The following EVC2 variants were observed in gnomAD, a reference collection of about 807,000 sequenced individuals.
EVC2 encodes the protein limbin.
A neutral mutation model predicts 149.3 loss-of-function variants in EVC2; 148 were observed. That is an observed-to-expected ratio of 0.99 (90% CI 0.87 to 1.14). EVC2 has a LOEUF of 1.14. Ranked by LOEUF, EVC2 falls within the 50% of genes most tolerant of loss-of-function variation. EVC2 has a pLI of 0.00. For synonymous variants in EVC2, 776 were observed against 649.9 expected (o/e 1.19, Z -2.95); for missense variants, 1,854 against 1,627.3 (o/e 1.14, Z -2.40).
intron 21 of EVC2, among the ~76,000 whole-genome samples, chr4:5,549,070 C>A (rs763266418): frequency 6.8e-6 from 1 of 146,254 alleles, no homozygotes; most frequent in Non-Finnish European, 1.5e-5. Flanking sequence ...TTTTTTATTA[C>A]CATTATTTAC....
intron 21 of EVC2, among the ~76,000 whole-genome samples, chr4:5,564,556 A>G (rs895823337): frequency 6.6e-6 from 1 of 152,232 alleles, no homozygotes; most frequent in Non-Finnish European, 1.5e-5. Context: ...ACTGAGGTAG[A>G]CATGTCCGTT....
At chr4:5,574,654 G>T in intron 19 of EVC2, 31 bp downstream of exon 19, 4 of 1,596,660 alleles carry the variant, frequency 2.5e-6, no homozygotes, top group East Asian at 2.2e-5. Context: ...CTGGCAAGGG[G>T]TGGCCTCAGA....
At chr4:5,588,194 T>C (rs184729027) in intron 16 of EVC2, among the ~76,000 whole-genome samples, 1 of 152,360 alleles carries the variant, frequency 6.6e-6, no homozygotes, top group East Asian at 1.9e-4. Flanking sequence ...TTTTCCTCAT[T>C]GTTTTGAAGA....
Position 5,625,355 on chromosome 4 carries a change from G to A in EVC2, c.2046+394C>T, listed in dbSNP as rs1300980694. Among the ~76,000 whole-genome samples, 5 of 149,592 alleles carry A rather than the reference G, an allele frequency of 3.3e-5. No homozygotes were observed. The highest frequency in any genetic ancestry group is 5.9e-5 in the Non-Finnish European group (4 of 67,586). ...ACACACACACACACACACAAACCCA[G>A]TGGTATCTCCCTCATAGGGTTAATA... On this transcript the variant is annotated intron_variant, in intron 13 of 21. Transcript: ENST00000344408. This position sits in a 1 kb window ranked among gnomAD's most constrained non-coding sequence, Gnocchi z 4.0.
intron 18 of EVC2, among the ~76,000 whole-genome samples, chr4:5,575,957 T>C (rs1407666448): frequency 2.0e-5 from 3 of 152,220 alleles, no homozygotes; most frequent in African/African-American, 7.2e-5. Context: ...CATGGCACTC[T>C]CCCTACTACC....
chr4:5,567,220 G>A lies in EVC2; in HGVS notation c.3557+1224C>T, dbSNP rs1238131283. Among the ~76,000 whole-genome samples the A allele has an allele frequency of 6.6e-6, 1 of 151,972 alleles. No homozygotes were observed. The highest frequency in any genetic ancestry group is 1.5e-5 in the Non-Finnish European group (1 of 68,006). Reference sequence around the variant, plus strand: ...ACTTCCTGACTATACTGGGCCCCAAGGCCACTAGGAAGGCTCTTCGACACT... The same window carrying A: ...ACTTCCTGACTATACTGGGCCCCAAAGCCACTAGGAAGGCTCTTCGACACT... On this transcript the variant is annotated intron_variant, in intron 20 of 21. Coordinates refer to ENST00000344408, the MANE Select transcript of EVC2 (RefSeq NM_147127.5). The surrounding 1 kb of genome is among the most constrained non-coding windows in gnomAD (Gnocchi z 4.4).
At position 5,568,455 on chromosome 4, in the gene EVC2, C is replaced by G. The variant is rs2108770634; in HGVS notation, c.3546G>C (p.Val1182=). 3.2e-6 allele frequency: 5 copies of G among 1,560,572 alleles called. No individual in the cohort carries two copies. In the South Asian group the frequency reaches 5.9e-5, roughly 18 times the overall value. ...TCCACGGCACTCACCTCCGCCTGCC[C>G]ACGTCGGCCTGCTCCGCTCCGCCAT... ...ESDGGAEQAD[V]GRRRKHQSWW... The change falls in exon 20 of 22, where the codon GTG becomes GTC. Residue 1182 remains valine, a synonymous_variant. Coordinates refer to ENST00000344408, the MANE Select transcript of EVC2 (RefSeq NM_147127.5).
At chr4:5,688,341 T>C (rs1720862275) in intron 5 of EVC2, among the ~76,000 whole-genome samples, 1 of 151,880 alleles carries the variant, frequency 6.6e-6, no homozygotes, top group Non-Finnish European at 1.5e-5. Context: ...AGCATGACGG[T>C]TTAAAGGTTA....
intron 10 of EVC2, among the ~76,000 whole-genome samples, chr4:5,638,358 C>T (rs1039167854): frequency 4.7e-5 from 7 of 150,416 alleles, no homozygotes; most frequent in East Asian, 2.0e-4. Flanking sequence ...CACTGCACTG[C>T]GATCTGGGTG....
chr4:5,677,896 C>T lies in EVC2; in HGVS notation c.870+3364G>A, dbSNP rs557670170. ...AACTGAACACTCACCTAACGCCAGC[C>T]TTGTACTTTCTCTTCGTCTCTTCTG... On this transcript the variant is annotated intron_variant, in intron 7 of 21. Transcript: ENST00000344408. This position sits in a 1 kb window ranked among gnomAD's most constrained non-coding sequence, Gnocchi z 4.3. Among the ~76,000 whole-genome samples the T allele has an allele frequency of 6.6e-6, 1 of 152,342 alleles. No homozygotes were observed. The highest frequency in any genetic ancestry group is 2.4e-5 in the African/African-American group (1 of 41,584).
intron 9 of EVC2, among the ~76,000 whole-genome samples, chr4:5,651,204 A>G (rs1347217431): frequency 6.6e-6 from 1 of 151,686 alleles, no homozygotes; most frequent in Non-Finnish European, 1.5e-5. Context: ...ATAGATGGCT[A>G]GCTGGCTGGA....
At chr4:5,675,342 CTT>C (rs1719918689) in intron 7 of EVC2, among the ~76,000 whole-genome samples, 1 of 152,150 alleles carries the variant, frequency 6.6e-6, no homozygotes, top group South Asian at 2.1e-4. Flanking sequence ...GGAAATTCAT[CTT>C]TGTCTTTATT....
chr4:5,550,627 G>T (rs1198741051), intron 21 of EVC2, among the ~76,000 whole-genome samples: 2 of 152,238 alleles, frequency 1.3e-5, no homozygotes, highest in Non-Finnish European at 2.9e-5. Flanking sequence ...CCTATCTTCT[G>T]TGGAGAAATT....
intron 10 of EVC2, among the ~76,000 whole-genome samples, chr4:5,639,427 G>A (rs563260831): frequency 5.3e-5 from 8 of 152,356 alleles, no homozygotes; most frequent in African/African-American, 1.9e-4. Context: ...AACAAGAGCT[G>A]ATTTCTGAGC....
rs1221901691 is a variant in EVC2, at chr4:5,657,383, C to G, written c.1145+5724G>C. On this transcript the variant is annotated intron_variant, in intron 9 of 21. Coordinates refer to ENST00000344408, the MANE Select transcript of EVC2 (RefSeq NM_147127.5). The surrounding 1 kb of genome is among the most constrained non-coding windows in gnomAD (Gnocchi z 4.7). ...CCTACCATGACAGATGATGGCCCAA[C>G]TCCTCTCCAGTCCTTCCATCAAACA... is the stretch of plus-strand genomic sequence containing the variant. 5.9e-5 allele frequency among the ~76,000 whole-genome samples: 9 copies of G among 152,110 alleles called. No homozygotes were observed. Among genetic ancestry groups the G allele is most frequent in the Admixed American group, 5.9e-4 (9 of 15,282 alleles).
chr4:5,656,943 C>T (rs1158497641), intron 9 of EVC2, among the ~76,000 whole-genome samples: 2 of 152,228 alleles, frequency 1.3e-5, no homozygotes, highest in Non-Finnish European at 2.9e-5. Flanking sequence ...ATGAGGTCAG[C>T]ACTGCATCCC....
intron 17 of EVC2, among the ~76,000 whole-genome samples, chr4:5,577,703 G>T (rs375728336): frequency 1.3e-5 from 2 of 152,110 alleles, no homozygotes; most frequent in Non-Finnish European, 2.9e-5. Flanking sequence ...GGACACCATC[G>T]CACGGAGAAC....
chr4:5,578,931 T>C lies in EVC2; in HGVS notation c.3058-2477A>G, dbSNP rs76010191. 1.4e-4 allele frequency among the ~76,000 whole-genome samples: 21 copies of C among 152,174 alleles called. No homozygotes were observed. The East Asian group carries it at 3.7e-3, about 27-fold the overall frequency. On this transcript the variant is annotated intron_variant, in intron 17 of 21. Transcript: ENST00000344408. ...ATTTGGGTTTGTCTTAGAATATAGA[T>C]AGGAGTTTGCAAGGAGGTAGAGCAG...
At chr4:5,542,267 C>T (rs547261317), downstream of EVC2, among the ~76,000 whole-genome samples, 21 of 152,074 alleles carry the variant, frequency 1.4e-4, no homozygotes, top group African/African-American at 4.3e-4. Flanking sequence ...GCCTGGGAAA[C>T]GTGGTGAAAC....
Sources: allele counts gnomAD v4.1 joint callset (sites outside exome capture counted in the v4.1 genomes callset), GRCh38; gene constraint gnomAD v4.1.1; non-coding constraint Gnocchi (gnomAD v3.1); transcripts MANE v1.5; gene names NCBI Gene and HGNC (gene_info 2026-07-23, HGNC 2026-07-21).